Variants in PACS1 observed in about 807,000 individuals in gnomAD.
The protein encoded by PACS1 is PACS-1.
PACS1 carries 24 observed loss-of-function variants against 115.0 expected under a neutral mutation model. The ratio of observed to expected loss-of-function variants is 0.21; its 90% confidence interval spans 0.15 to 0.29. The LOEUF (loss-of-function observed/expected upper bound fraction) is 0.29, where lower values mean the gene tolerates loss of function less well. Ranked by LOEUF, PACS1 falls within the 10% of genes least tolerant of loss-of-function variation. PACS1 has a pLI of 1.00. For synonymous variants in PACS1, 453 were observed against 504.5 expected (o/e 0.90, Z 1.37); for missense variants, 838 against 1,251.2 (o/e 0.67, Z 4.98).
At chr11:66,124,395 T>A (rs1858523717) in intron 1 of PACS1, among the ~76,000 whole-genome samples, 1 of 152,196 alleles carries the variant, frequency 6.6e-6, no homozygotes, top group African/African-American at 2.4e-5. Flanking sequence ...GGGAATAATA[T>A]AACCTAGAGT....
intron 1 of PACS1, among the ~76,000 whole-genome samples, chr11:66,099,012 A>G (rs768001244): frequency 5.9e-5 from 9 of 151,724 alleles, no homozygotes; most frequent in Non-Finnish European, 1.3e-4. Flanking sequence ...CTGTAATGCC[A>G]TTGTTTTTCT....
intron 1 of PACS1, among the ~76,000 whole-genome samples, chr11:66,090,106 C>T (rs1323701653): frequency 1.3e-5 from 2 of 151,510 alleles, no homozygotes; most frequent in African/African-American, 2.4e-5. Flanking sequence ...GAGGAAACCT[C>T]CTAAATAGTT....
intron 1 of PACS1, among the ~76,000 whole-genome samples, chr11:66,193,027 C>G (rs544470830): frequency 6.6e-6 from 1 of 152,180 alleles, no homozygotes; most frequent in Non-Finnish European, 1.5e-5. Flanking sequence ...CAGGTGTGAT[C>G]AGGTGGAAAG....
At chr11:66,073,151 A>C (rs1177020953) in intron 1 of PACS1, among the ~76,000 whole-genome samples, 1 of 151,606 alleles carries the variant, frequency 6.6e-6, no homozygotes, top group African/African-American at 2.4e-5. Flanking sequence ...GTACCTCCTC[A>C]CTCCTTGTGG....
At chr11:66,103,204 G>A (rs1178399502) in intron 1 of PACS1, among the ~76,000 whole-genome samples, 1 of 152,212 alleles carries the variant, frequency 6.6e-6, no homozygotes, top group Non-Finnish European at 1.5e-5. Flanking sequence ...ATTAGGGGAA[G>A]TGAGTGAAAG....
rs145783184 is a variant in PACS1 at position 66,233,075 on chromosome 11, T to C, written c.1838+9T>C. The C allele has an allele frequency of 5.2e-5, 83 of 1,588,296 alleles. No individual in the cohort carries two copies. In the African/African-American group the frequency reaches 9.1e-4, roughly 17 times the overall value. On this transcript the variant is annotated intron_variant, in intron 15 of 23. Coordinates refer to ENST00000320580, the MANE Select transcript of PACS1 (RefSeq NM_018026.4). This position sits in a 1 kb window ranked among gnomAD's most constrained non-coding sequence, Gnocchi z 4.5. ...ACCCGGATCCAGCGCTAGTAAGGGC[T>C]CTGGCCTCCCTTCTCCTGCCCTTAG...
Position 66,070,596 on chromosome 11 carries a change from AGCAGCAGCAGCCGCCGCAGCAGCC to A in PACS1, c.112_135del (p.Gln38_Pro45del). On this transcript the variant is annotated inframe_deletion, in exon 1 of 24. Transcript: ENST00000320580. The surrounding 1 kb of genome is among the most constrained non-coding windows in gnomAD (Gnocchi z 5.9). ...CCTCAGCAGCCGCCGCCGCAGCAGC[AGCAGCAGCAGCCGCCGCAGCAGCC>A]GACGCCCCCCAAGCTGGCCCAGGCC... 6.6e-7 allele frequency: 1 copy of A among 1,513,472 alleles called. No homozygotes were observed. The highest frequency in any genetic ancestry group is 8.8e-7 in the Non-Finnish European group (1 of 1,139,124). The allele number at this position is 1,513,472 out of a possible 1,614,324, so 93.8% of individuals were successfully genotyped here.
intron 1 of PACS1, among the ~76,000 whole-genome samples, chr11:66,094,797 A>G (rs1230065208): frequency 3.9e-4 from 59 of 152,358 alleles, no homozygotes; most frequent in Non-Finnish European, 6.5e-4. Context: ...AAAATCCTCA[A>G]TAAAATACTG....
At chr11:66,117,644 C>T (rs1440960057) in intron 1 of PACS1, among the ~76,000 whole-genome samples, 10 of 151,842 alleles carry the variant, frequency 6.6e-5, no homozygotes, top group African/African-American at 2.4e-4. Flanking sequence ...GTCGGGAGTT[C>T]GCGACCAGCC....
At chr11:66,243,067 A>G in intron 23 of PACS1, 36 bp downstream of exon 23, 1 of 1,613,336 alleles carries the variant, frequency 6.2e-7, no homozygotes, top group South Asian at 1.1e-5. Flanking sequence ...GAGGGCAAGA[A>G]AGGGACTGGA....
At chr11:66,110,770 T>C (rs1858170219) in intron 1 of PACS1, among the ~76,000 whole-genome samples, 2 of 152,110 alleles carry the variant, frequency 1.3e-5, no homozygotes, top group African/African-American at 4.8e-5. Context: ...GGTTTTGCCA[T>C]GTTGGCCAGG....
intron 1 of PACS1, among the ~76,000 whole-genome samples, chr11:66,154,271 T>C (rs1031967377): frequency 2.0e-5 from 3 of 152,092 alleles, no homozygotes; most frequent in African/African-American, 7.2e-5. Flanking sequence ...ATCCCATCTC[T>C]GCAAAAAAGT....
At chr11:66,180,084 C>T (rs1212085963) in intron 1 of PACS1, among the ~76,000 whole-genome samples, 10 of 152,164 alleles carry the variant, frequency 6.6e-5, no homozygotes, top group South Asian at 4.2e-4. Context: ...TCAGGTGATC[C>T]GCCTGCCTCA....
intron 1 of PACS1, among the ~76,000 whole-genome samples, chr11:66,125,909 G>T (rs181975049): frequency 1.3e-5 from 2 of 151,874 alleles, no homozygotes; most frequent in Non-Finnish European, 2.9e-5. Context: ...GCATGGCGGC[G>T]CATGCCTGTA....
intron 1 of PACS1, among the ~76,000 whole-genome samples, chr11:66,080,186 T>A (rs1243809531): frequency 6.6e-6 from 1 of 152,250 alleles, no homozygotes; most frequent in African/African-American, 2.4e-5. Flanking sequence ...ATTGAATGAC[T>A]ATCTGTTATG....
intron 1 of PACS1, among the ~76,000 whole-genome samples, chr11:66,096,369 C>T (rs1469560438): frequency 6.6e-6 from 1 of 151,956 alleles, no homozygotes; most frequent in African/African-American, 2.4e-5. Flanking sequence ...GCCACTGCGC[C>T]CAGCTAGTAG....
At chr11:66,168,750 A>ATGTGTGTG (rs1232691646) in intron 1 of PACS1, among the ~76,000 whole-genome samples, 3 of 142,652 alleles carry the variant, frequency 2.1e-5, no homozygotes, top group East Asian at 2.1e-4. Context: ...GTATATATAT[A>ATGTGTGTG]TATGTGTGTG....
intron 1 of PACS1, among the ~76,000 whole-genome samples, chr11:66,084,465 G>T (rs1014708723): frequency 6.6e-6 from 1 of 152,196 alleles, no homozygotes; most frequent in Admixed American, 6.5e-5. Flanking sequence ...GAGGAGGCAT[G>T]ATGGTCACTT....
chr11:66,162,112 GTTTTTTTTTTT>G (rs58980906), intron 1 of PACS1, among the ~76,000 whole-genome samples: 1 of 56,366 alleles, frequency 1.8e-5, no homozygotes, highest in South Asian at 9.2e-4. Context: ...GGTGGTGGTG[GTTTTTTTTTTT>G]TTTTTTTTTT....
Sources: gnomAD v4.1 joint callset for allele counts (sites outside exome capture counted in the v4.1 genomes callset) on GRCh38, gnomAD v4.1.1 for gene constraint, Gnocchi (gnomAD v3.1) non-coding constraint, MANE v1.5 for transcripts, NCBI Gene and HGNC (gene_info 2026-07-23, HGNC 2026-07-21) for gene names.